The following MBD3 variants were observed in gnomAD, a reference collection of about 807,000 sequenced individuals.
MBD3 encodes methyl-CpG binding domain protein 3, also known as methyl-CpG-binding domain protein 3.
Under a neutral mutation model 31.2 loss-of-function variants are expected in MBD3, and 13 were observed. The ratio of observed to expected loss-of-function variants is 0.42; its 90% confidence interval spans 0.27 to 0.66. MBD3 has a LOEUF of 0.66. Among genes scored for constraint, MBD3 ranks in the 30% least tolerant of loss-of-function variants. The pLI, the probability that MBD3 is intolerant of heterozygous loss-of-function variation, is 0.26. For missense variants in MBD3, 440 were observed against 426.5 expected, an observed-to-expected ratio of 1.03 and a Z score of -0.28; for synonymous variants, 223 against 187.4, an observed-to-expected ratio of 1.19 and a Z score of -1.55.
At chr19:1,583,539 T>C (rs748262074) in intron 3 of MBD3, among the ~76,000 whole-genome samples, 7 of 151,034 alleles carry the variant, frequency 4.6e-5, no homozygotes, top group Non-Finnish European at 8.8e-5. Flanking sequence ...AGACTGAAAA[T>C]ATTTGGGGGG....
rs1416175326 is a variant in MBD3, at chr19:1,578,590, T to C, written c.678-52A>G. The C allele has an allele frequency of 2.5e-6, 4 of 1,606,724 alleles. No homozygotes were observed. Among genetic ancestry groups the C allele is most frequent in the Middle Eastern group, 3.4e-4 (2 of 5,916 alleles). On this transcript the variant is annotated intron_variant, in intron 5 of 6. Transcript: ENST00000434436. The surrounding 1 kb of genome is among the most constrained non-coding windows in gnomAD (Gnocchi z 6.1). Reference sequence around the variant, plus strand: ...ACCAAGGTGAGCGGCCAGCAGGACATGGACACAGGATGAACGTGGGGACCT... The same window carrying C: ...ACCAAGGTGAGCGGCCAGCAGGACACGGACACAGGATGAACGTGGGGACCT...
At chr19:1,580,814 G>C (rs189238661) in intron 5 of MBD3, among the ~76,000 whole-genome samples, 2 of 152,332 alleles carry the variant, frequency 1.3e-5, no homozygotes, top group Non-Finnish European at 1.5e-5. Context: ...CCAACATGGA[G>C]CCCAGCACCC....
chr19:1,590,103 G>A (rs1236778791), intron 1 of MBD3, among the ~76,000 whole-genome samples: 3 of 150,546 alleles, frequency 2.0e-5, no homozygotes, highest in Admixed American at 2.0e-4. Context: ...TTCGAGACCA[G>A]TCTGGCCAAC....
chr19:1,584,416 C>T (rs2060667691), intron 3 of MBD3, 124 bp downstream of exon 3: 1 of 1,435,246 alleles, frequency 7.0e-7, no homozygotes, highest in African/African-American at 1.4e-5. Flanking sequence ...GTCATGTTGC[C>T]CAGGCTAGCC....
intron 1 of MBD3, chr19:1,591,976 G>C (rs551501024): frequency 6.6e-6 from 1 of 152,212 alleles, no homozygotes; most frequent in Non-Finnish European, 1.5e-5. Context: ...AAGGAGTCAA[G>C]GGGAATACCT....
At chr19:1,589,108 A>G (rs8111084) in intron 1 of MBD3, among the ~76,000 whole-genome samples, 35,220 of 151,478 alleles carry the variant, frequency 0.23, 4,210 homozygotes, top group East Asian at 0.4. Flanking sequence ...AAGGAGGGCC[A>G]ATCACCTGAG....
Position 1,585,199 on chromosome 19 carries a change from C to T in MBD3, c.126G>A (p.Lys42=), listed in dbSNP as rs917762610. 6.3e-7 allele frequency: 1 copy of T among 1,599,966 alleles called. No homozygotes were observed. The highest frequency in any genetic ancestry group is 8.5e-7 in the Non-Finnish European group (1 of 1,177,662). The change falls in exon 2 of 7, where the codon AAG becomes AAA. Residue 42 remains lysine, a synonymous_variant. Coordinates refer to ENST00000434436, the MANE Select transcript of MBD3 (RefSeq NM_001281453.2). The surrounding 1 kb of genome is among the most constrained non-coding windows in gnomAD (Gnocchi z 4.1). The part of the protein sequence containing the change: ...DVFYYSPSGK[K]FRSKPQLARY... Reference sequence around the variant, plus strand: ...GCGCCAGCTGCGGCTTGCTGCGGAACTTCTTCCCGCTCGGGCTGCGGGGAG... The same window carrying T: ...GCGCCAGCTGCGGCTTGCTGCGGAATTTCTTCCCGCTCGGGCTGCGGGGAG...
At chr19:1,591,403 CG>C (rs1386341172) in intron 1 of MBD3, among the ~76,000 whole-genome samples, 3 of 152,208 alleles carry the variant, frequency 2.0e-5, no homozygotes, top group African/African-American at 7.2e-5. Flanking sequence ...CTCCCCAAAC[CG>C]GGACAGTCAA....
chr19:1,586,925 C>G (rs1021194512), intron 1 of MBD3, among the ~76,000 whole-genome samples: 13 of 151,530 alleles, frequency 8.6e-5, no homozygotes, highest in Non-Finnish European at 1.8e-4. Flanking sequence ...CCTCAGCCTC[C>G]CAAAGTGCTG....
At chr19:1,591,751 C>A (rs1247330968) in intron 1 of MBD3, among the ~76,000 whole-genome samples, 2 of 151,456 alleles carry the variant, frequency 1.3e-5, no homozygotes, top group Non-Finnish European at 2.9e-5. Flanking sequence ...TGGGACTTGG[C>A]TGCAGCAGGC....
chr19:1,578,130 G>A lies in MBD3; in HGVS notation c.*34C>T, dbSNP rs1917253162. The A allele has an allele frequency of 1.3e-6, 1 of 769,938 alleles. No homozygotes were observed. The highest frequency in any genetic ancestry group is 2.0e-6 in the Non-Finnish European group (1 of 489,228). The allele number at this position is 769,938 out of a possible 1,614,324, so 47.7% of individuals were successfully genotyped here. ...AGGACCGCGTCTGCAGGCGGCTCCA[G>A]CAGGCAGCACGGGCTCTCGGCAGGG... On this transcript the variant is annotated 3_prime_UTR_variant, in exon 7 of 7. Transcript: ENST00000434436. This position sits in a 1 kb window ranked among gnomAD's most constrained non-coding sequence, Gnocchi z 6.1.
intron 3 of MBD3, among the ~76,000 whole-genome samples, chr19:1,583,568 C>T (rs1365690054): frequency 6.6e-6 from 1 of 151,778 alleles, no homozygotes; most frequent in Non-Finnish European, 1.5e-5. Context: ...TAAATAAATA[C>T]AACAACTGGC....
rs1336585979 is a variant in MBD3 at position 1,576,692 on chromosome 19, C to T, written c.*1472G>A. On this transcript the variant is annotated 3_prime_UTR_variant, in exon 7 of 7. Transcript: ENST00000434436. ...GAACTCCAGGCTCCAAGCACATCCA[C>T]CCATGGTGGCTTTATTCAGTCACGT... 6.6e-6 allele frequency: 1 copy of T among 152,400 alleles called. No individual in the cohort carries two copies. The highest frequency in any genetic ancestry group is 1.5e-5 in the Non-Finnish European group (1 of 68,126). The allele number at this position is 152,400 out of a possible 1,614,324, so 9.4% of individuals were successfully genotyped here.
chr19:1,575,017 G>A lies in MBD3; in HGVS notation c.*3147C>T, dbSNP rs556269426. ...CGTGTGGCTGGGCCGAGGGCTGGGA[G>A]GTGCATCCTCGCCACGGGGGTCCTG... is the stretch of plus-strand genomic sequence containing the variant. On this transcript the variant is annotated 3_prime_UTR_variant, in exon 7 of 7. Transcript: ENST00000434436. 69 of 359,526 alleles carry A rather than the reference G, an allele frequency of 1.9e-4. No individual in the cohort carries two copies. Among genetic ancestry groups the A allele is most frequent in the African/African-American group, 1.3e-3 (59 of 46,632 alleles). The allele number at this position is 359,526 out of a possible 1,614,324, so 22.3% of individuals were successfully genotyped here.
intron 4 of MBD3, 62 bp from the exon 5 acceptor site, chr19:1,581,331 GACAGGCC>G (rs1917349839): frequency 6.5e-7 from 1 of 1,535,260 alleles, no homozygotes; most frequent in African/African-American, 1.4e-5. Flanking sequence ...CTGTGGCCCA[GACAGGCC>G]ACGGAAATGC....
intron 5 of MBD3, among the ~76,000 whole-genome samples, chr19:1,579,533 C>G (rs1401909031): frequency 6.6e-6 from 1 of 152,140 alleles, no homozygotes; most frequent in Non-Finnish European, 1.5e-5. Context: ...CAGTCCCAGG[C>G]AAAGCTGACT....
rs2302300 is a variant in MBD3 at position 1,581,041 on chromosome 19, A to G, written c.677+51T>C. The G allele has an allele frequency of 0.022, 35,673 of 1,608,292 alleles. 3,751 individuals are homozygous for G. The East Asian group carries it at 0.37, about 17-fold the overall frequency. On this transcript the variant is annotated intron_variant, in intron 5 of 6. Transcript: ENST00000434436. ...GCACACGGGGACACTCAGGGTCCCC[A>G]CGGCCACAAGAGACAGGGTGGAGCA...
intron 1 of MBD3, among the ~76,000 whole-genome samples, chr19:1,588,300 ACT>A (rs2060688246): frequency 6.6e-6 from 1 of 151,794 alleles, no homozygotes; most frequent in Admixed American, 6.6e-5. Flanking sequence ...TCTTTTAATT[ACT>A]CTCTGGACTG....
At chr19:1,582,054 A>C (rs2060654837) in intron 4 of MBD3, among the ~76,000 whole-genome samples, 1 of 152,064 alleles carries the variant, frequency 6.6e-6, no homozygotes, top group Non-Finnish European at 1.5e-5. Flanking sequence ...GGCGTGAGCC[A>C]CTGCACCTGG....
Sources: gnomAD v4.1 joint callset for allele counts (sites outside exome capture counted in the v4.1 genomes callset) on GRCh38, gnomAD v4.1.1 for gene constraint, Gnocchi (gnomAD v3.1) non-coding constraint, MANE v1.5 for transcripts, NCBI Gene and HGNC (gene_info 2026-07-23, HGNC 2026-07-21) for gene names.